Variants in NRG3 observed in about 807,000 individuals in gnomAD.
NRG3 encodes the protein pro-neuregulin-3, membrane-bound isoform.
NRG3 carries 31 observed loss-of-function variants against 66.9 expected under a neutral mutation model. The ratio of observed to expected loss-of-function variants is 0.46; its 90% CI spans 0.35 to 0.63. NRG3 has a LOEUF of 0.63. NRG3 is among the 20% of genes least tolerant of loss of function. NRG3 has a pLI of 0.00. For synonymous variants in NRG3, 393 were observed against 359.4 expected (o/e 1.09, Z -1.06); for missense variants, 910 against 878.9 (o/e 1.04, Z -0.45).
At chr10:82,258,793 GC>G (rs1401687098) in intron 1 of NRG3, among the ~76,000 whole-genome samples, 3 of 152,158 alleles carry the variant, frequency 2.0e-5, no homozygotes, top group Non-Finnish European at 4.4e-5. Context: ...GGTGTGAAAT[GC>G]CAGTCTTATG....
chr10:82,106,070 C>T (rs968372098), intron 1 of NRG3, among the ~76,000 whole-genome samples: 7 of 152,170 alleles, frequency 4.6e-5, no homozygotes, highest in African/African-American at 1.7e-4. Flanking sequence ...TTTCCACTAA[C>T]CTTGTATTGA....
chr10:82,841,909 G>T (rs190554757), intron 3 of NRG3, among the ~76,000 whole-genome samples: 1 of 152,194 alleles, frequency 6.6e-6, no homozygotes, highest in Non-Finnish European at 1.5e-5. Context: ...TGTGTCTATT[G>T]GTGTGGATGG....
At chr10:82,235,786 A>G (rs1454267066) in intron 1 of NRG3, among the ~76,000 whole-genome samples, 1 of 152,114 alleles carries the variant, frequency 6.6e-6, no homozygotes, top group Non-Finnish European at 1.5e-5. Context: ...ACTAGTTGGG[A>G]TTCTGCCTCT....
intron 1 of NRG3, among the ~76,000 whole-genome samples, chr10:82,207,850 A>G (rs2075200475): frequency 6.6e-6 from 1 of 152,186 alleles, no homozygotes; most frequent in Admixed American, 6.5e-5. Context: ...CCCATGATTC[A>G]ATTACCTCCA....
At chr10:82,391,071 C>T (rs1465545861) in intron 2 of NRG3, among the ~76,000 whole-genome samples, 1 of 152,180 alleles carries the variant, frequency 6.6e-6, no homozygotes, top group Admixed American at 6.5e-5. Flanking sequence ...TAGCTTTTGG[C>T]TCAAGTGACA....
chr10:82,687,176 G>A (rs1235001397), intron 2 of NRG3, among the ~76,000 whole-genome samples: 1 of 152,136 alleles, frequency 6.6e-6, no homozygotes, highest in Non-Finnish European at 1.5e-5. Flanking sequence ...TCTTCCCAAG[G>A]CATAATGGGC....
intron 3 of NRG3, among the ~76,000 whole-genome samples, chr10:82,770,483 C>T (rs1371697463): frequency 3.3e-5 from 5 of 152,212 alleles, no homozygotes; most frequent in Admixed American, 2.0e-4. Context: ...TCAACACAAA[C>T]GGACATCCTA....
At chr10:82,543,157 A>G (rs1046054833) in intron 2 of NRG3, among the ~76,000 whole-genome samples, 11 of 152,090 alleles carry the variant, frequency 7.2e-5, no homozygotes, top group African/African-American at 2.4e-4. Flanking sequence ...CTCCCAAAAT[A>G]CTGGGATTAC....
intron 2 of NRG3, among the ~76,000 whole-genome samples, chr10:82,699,201 C>T (rs2055636828): frequency 6.7e-6 from 1 of 148,780 alleles, no homozygotes. Flanking sequence ...CTGTTAAGAA[C>T]TCACTTAATG....
intron 2 of NRG3, among the ~76,000 whole-genome samples, chr10:82,380,525 G>T (rs950756146): frequency 1.3e-5 from 2 of 152,118 alleles, no homozygotes; most frequent in African/African-American, 2.4e-5. Context: ...GATTTAGCAA[G>T]AAGTCAATTG....
chr10:82,840,726 C>T (rs2063015439), intron 3 of NRG3, among the ~76,000 whole-genome samples: 1 of 152,024 alleles, frequency 6.6e-6, no homozygotes, highest in Non-Finnish European at 1.5e-5. Flanking sequence ...AACAGAGCAC[C>T]CTCTGTTGGA....
At chr10:82,260,988 T>A (rs938848703) in intron 1 of NRG3, among the ~76,000 whole-genome samples, 5 of 152,120 alleles carry the variant, frequency 3.3e-5, no homozygotes, top group African/African-American at 1.2e-4. Flanking sequence ...GGCAGGTTGC[T>A]CATGAATGGC....
intron 1 of NRG3, among the ~76,000 whole-genome samples, chr10:82,218,894 G>C (rs2075809919): frequency 6.6e-6 from 1 of 152,088 alleles, no homozygotes; most frequent in Non-Finnish European, 1.5e-5. Context: ...ATTGCATCTA[G>C]GGAAGTCAAG....
At chr10:82,903,728 G>A (rs2026494) in intron 4 of NRG3, among the ~76,000 whole-genome samples, 5,986 of 152,124 alleles carry the variant, frequency 0.039, 139 homozygotes, top group Middle Eastern at 0.1. Context: ...CCAAATATGT[G>A]TTAATCTACT....
intron 8 of NRG3, among the ~76,000 whole-genome samples, chr10:82,982,978 G>A (rs4933863): frequency 0.34 from 51,281 of 151,974 alleles, 9,149 homozygotes; most frequent in East Asian, 0.66. Flanking sequence ...AAAGTTTGGC[G>A]TGAATTGCCT....
intron 1 of NRG3, among the ~76,000 whole-genome samples, chr10:82,260,532 A>C (rs1047758672): frequency 6.6e-6 from 1 of 152,206 alleles, no homozygotes. Flanking sequence ...ATGGGTCACC[A>C]AGAGGTTTGC....
At chr10:82,802,683 C>G (rs957497180) in intron 3 of NRG3, among the ~76,000 whole-genome samples, 1 of 151,906 alleles carries the variant, frequency 6.6e-6, no homozygotes, top group Non-Finnish European at 1.5e-5. Context: ...GACAAGATCT[C>G]GCTCTGTCAC....
chr10:82,393,054 A>G (rs1368592433), intron 2 of NRG3, among the ~76,000 whole-genome samples: 1 of 151,998 alleles, frequency 6.6e-6, no homozygotes, highest in Admixed American at 6.6e-5. Flanking sequence ...TGGAATGTTG[A>G]TCAAATGCTC....
At chr10:82,245,978 GTTTTTTT>G (rs372596396) in intron 1 of NRG3, among the ~76,000 whole-genome samples, 8 of 103,300 alleles carry the variant, frequency 7.7e-5, no homozygotes, top group African/African-American at 1.5e-4. Context: ...CAGTCTTCTG[GTTTTTTT>G]TTTTTTTTTT....
Sources: allele counts gnomAD v4.1 joint callset (sites outside exome capture counted in the v4.1 genomes callset), GRCh38; gene constraint gnomAD v4.1.1; transcripts MANE v1.5; gene names NCBI Gene and HGNC (gene_info 2026-07-23, HGNC 2026-07-21).